PRUNE1: variants seen among roughly 807,000 people sequenced by gnomAD.
The protein encoded by PRUNE1 is exopolyphosphatase PRUNE1.
PRUNE1 carries 25 observed loss-of-function variants against 42.5 expected under a neutral mutation model. That is an observed-to-expected ratio of 0.59 (90% CI 0.43 to 0.82). The LOEUF is 0.82. Among genes scored for constraint, PRUNE1 ranks in the 40% least tolerant of loss-of-function variants. PRUNE1 has a pLI of 0.00. For missense variants in PRUNE1, 443 were observed against 539.3 expected, an observed-to-expected ratio of 0.82 and a Z score of 1.77; for synonymous variants, 203 against 217.1, an observed-to-expected ratio of 0.93 and a Z score of 0.57.
At chr1:151,028,225 T>TTATG (rs1238901387) in intron 6 of PRUNE1, among the ~76,000 whole-genome samples, 3 of 152,042 alleles carry the variant, frequency 2.0e-5, no homozygotes, top group Admixed American at 2.0e-4. Flanking sequence ...CCTCTAGCAG[T>TTATG]TATGTATGTA....
chr1:151,026,948 C>T (rs896161258), intron 5 of PRUNE1, among the ~76,000 whole-genome samples: 1 of 151,312 alleles, frequency 6.6e-6, no homozygotes, highest in Admixed American at 6.6e-5. Flanking sequence ...CCACACCCAG[C>T]TAATTCTTTG....
At chr1:151,031,286 G>A (rs1675234741) in intron 7 of PRUNE1, among the ~76,000 whole-genome samples, 1 of 151,372 alleles carries the variant, frequency 6.6e-6, no homozygotes, top group African/African-American at 2.4e-5. Flanking sequence ...TGCCTCCCGG[G>A]TTCAAGCAAT....
At chr1:151,026,247 A>G (rs1674829899) in intron 5 of PRUNE1, among the ~76,000 whole-genome samples, 1 of 151,626 alleles carries the variant, frequency 6.6e-6, no homozygotes, top group Non-Finnish European at 1.5e-5. Context: ...ACCTGAGGTC[A>G]GGAGTTCAAG....
At position 151,008,491 on chromosome 1, in the gene PRUNE1, C is replaced by G; in HGVS notation, c.-142C>G. The G allele has an allele frequency of 4.0e-6, 5 of 1,244,208 alleles. No homozygotes were observed. 77.1% of individuals were successfully genotyped at this position (1,244,208 alleles called of 1,614,324 possible). On this transcript the variant is annotated 5_prime_UTR_variant, in exon 1 of 8. Coordinates refer to ENST00000271620, the MANE Select transcript of PRUNE1 (RefSeq NM_021222.3). Reference sequence around the variant, plus strand: ...CTCCCGGGGTCGGAGGCCGATTCGCCGTGTGGCGGGTTCGAGTCCCGCCTC... The same window carrying G: ...CTCCCGGGGTCGGAGGCCGATTCGCGGTGTGGCGGGTTCGAGTCCCGCCTC...
chr1:151,012,541 CAG>C (rs1017860993), intron 1 of PRUNE1, among the ~76,000 whole-genome samples: 1 of 152,120 alleles, frequency 6.6e-6, no homozygotes, highest in Non-Finnish European at 1.5e-5. Flanking sequence ...AGGTCTGTCT[CAG>C]AGCCACAAGT....
chr1:151,028,960 T>A lies in PRUNE1; in HGVS notation c.933+16T>A. On this transcript the variant is annotated intron_variant, in intron 7 of 7. Coordinates refer to ENST00000271620, the MANE Select transcript of PRUNE1 (RefSeq NM_021222.3). Reference sequence around the variant, plus strand: ...CCAAACAACGGTGAGTCTGTGTCCCTTCTCCAACCTAAGAGCCTTACAGAG... The same window carrying A: ...CCAAACAACGGTGAGTCTGTGTCCCATCTCCAACCTAAGAGCCTTACAGAG... The A allele has an allele frequency of 6.2e-7, 1 of 1,603,288 alleles. No homozygotes were observed. Among genetic ancestry groups the A allele is most frequent in the Non-Finnish European group, 8.5e-7 (1 of 1,170,498 alleles).
In PRUNE1 at chr1:151,018,297, A is replaced by G. The variant is rs113306226; in HGVS notation, c.133-170A>G. On this transcript the variant is annotated intron_variant, in intron 2 of 7. Coordinates refer to ENST00000271620, the MANE Select transcript of PRUNE1 (RefSeq NM_021222.3). ...CCTTGTTGACTTTCATGTTATTACT[A>G]AGAAGGAGGGAGGGCAAAAGTCATC... 1.7e-4 allele frequency: 133 copies of G among 764,688 alleles called. 2 individuals carry two copies. In the Middle Eastern group the frequency reaches 1.8e-3, roughly 10 times the overall value. 47.4% of individuals were successfully genotyped at this position (764,688 alleles called of 1,614,324 possible).
chr1:151,012,415 C>A (rs1235335728), intron 1 of PRUNE1, among the ~76,000 whole-genome samples: 1 of 152,198 alleles, frequency 6.6e-6, no homozygotes, highest in African/African-American at 2.4e-5. Context: ...CCTTTTCATT[C>A]TCATAAGCGT....
intron 1 of PRUNE1, among the ~76,000 whole-genome samples, chr1:151,013,709 T>G (rs1424948325): frequency 3.3e-5 from 5 of 152,146 alleles, no homozygotes; most frequent in African/African-American, 1.2e-4. Flanking sequence ...TAGTTTCCTC[T>G]CTAGAGAACA....
chr1:151,018,884 A>T (rs1046112767), intron 3 of PRUNE1, among the ~76,000 whole-genome samples: 1 of 152,182 alleles, frequency 6.6e-6, no homozygotes, highest in African/African-American at 2.4e-5. Flanking sequence ...CTCTACTAAA[A>T]ATATAAAAAT....
rs1036255487 is a variant in PRUNE1 at position 151,035,438 on chromosome 1, A to G, written c.*1204A>G. 1.3e-5 allele frequency: 2 copies of G among 151,768 alleles called. No individual in the cohort carries two copies. The highest frequency in any genetic ancestry group is 2.9e-5 in the Non-Finnish European group (2 of 67,882). 9.4% of individuals were successfully genotyped at this position (151,768 alleles called of 1,614,324 possible). ...TGTTCTGCATGTGTAGAGTCTCCCC[A>G]TTTTTTTTAACGCAACCCTTTCCCC... On this transcript the variant is annotated 3_prime_UTR_variant, in exon 8 of 8. Coordinates refer to ENST00000271620, the MANE Select transcript of PRUNE1 (RefSeq NM_021222.3).
At chr1:151,012,424 G>A (rs1014450970) in intron 1 of PRUNE1, among the ~76,000 whole-genome samples, 7 of 152,114 alleles carry the variant, frequency 4.6e-5, no homozygotes, top group South Asian at 4.1e-4. Flanking sequence ...TCTCATAAGC[G>A]TCCCAGTTTG....
At chr1:151,008,844 G>T in intron 1 of PRUNE1, 173 bp downstream of exon 1, 1 of 818,616 alleles carries the variant, frequency 1.2e-6, no homozygotes, top group East Asian at 2.7e-5. Flanking sequence ...CGAGAAGCCA[G>T]TTTAGGAGCG....
At chr1:151,016,308 T>C (rs1321273338) in intron 1 of PRUNE1, among the ~76,000 whole-genome samples, 2 of 152,258 alleles carry the variant, frequency 1.3e-5, no homozygotes, top group East Asian at 3.9e-4. Flanking sequence ...CTGGTCTCAT[T>C]CCACCCAGCA....
chr1:151,020,731 C>T (rs1674365160), intron 3 of PRUNE1, among the ~76,000 whole-genome samples: 1 of 152,120 alleles, frequency 6.6e-6, no homozygotes, highest in African/African-American at 2.4e-5. Flanking sequence ...CCTGTAATCC[C>T]AGCACTTTGG....
chr1:151,034,493 G>A lies in PRUNE1; in HGVS notation c.*259G>A. The stretch of plus-strand genomic sequence containing the variant: ...CCTCTCTCTATTTTATTTGCCAGGG[G>A]CACGATGTGACATATCTGCAGTCCC... On this transcript the variant is annotated 3_prime_UTR_variant, in exon 8 of 8. Coordinates refer to ENST00000271620, the MANE Select transcript of PRUNE1 (RefSeq NM_021222.3). 2.2e-6 allele frequency: 1 copy of A among 447,386 alleles called. No homozygotes were observed. The highest frequency in any genetic ancestry group is 4.1e-6 in the Non-Finnish European group (1 of 244,888). 27.7% of individuals were successfully genotyped at this position (447,386 alleles called of 1,614,324 possible).
intron 7 of PRUNE1, among the ~76,000 whole-genome samples, chr1:151,030,522 ACT>A (rs1338470706): frequency 1.3e-4 from 19 of 151,850 alleles, no homozygotes; most frequent in Non-Finnish European, 2.5e-4. Flanking sequence ...ATGGAGTCTC[ACT>A]CTGTCGCCCA....
chr1:151,031,812 T>C (rs1675259845), intron 7 of PRUNE1, among the ~76,000 whole-genome samples: 1 of 152,188 alleles, frequency 6.6e-6, no homozygotes, highest in African/African-American at 2.4e-5. Context: ...GAAACGACAC[T>C]AGATTAGAAG....
At chr1:151,026,222 C>T (rs587669425) in intron 5 of PRUNE1, among the ~76,000 whole-genome samples, 7 of 151,118 alleles carry the variant, frequency 4.6e-5, no homozygotes, top group South Asian at 2.1e-4. Context: ...TTTGGGAGGC[C>T]GAGGTGGGCA....
Sources: allele counts gnomAD v4.1 joint callset (sites outside exome capture counted in the v4.1 genomes callset), GRCh38; gene constraint gnomAD v4.1.1; transcripts MANE v1.5; gene names NCBI Gene and HGNC (gene_info 2026-07-23, HGNC 2026-07-21).